PDS5A: variants seen among roughly 807,000 people sequenced by gnomAD.
PDS5A encodes the protein PDS5 cohesin associated factor A.
Under a neutral mutation model 167.1 loss-of-function variants are expected in PDS5A, and 42 were observed. The ratio of observed to expected loss-of-function variants is 0.25; its 90% CI spans 0.20 to 0.33. The LOEUF (loss-of-function observed/expected upper bound fraction) is 0.33. Among genes scored for constraint, PDS5A ranks in the 10% least tolerant of loss-of-function variants. The pLI, the probability that PDS5A is intolerant of heterozygous loss-of-function variation, is 1.00. For missense variants in PDS5A, 1,033 were observed against 1,605.9 expected, an observed-to-expected ratio of 0.64 and a Z score of 6.10; for synonymous variants, 553 against 554.6, an observed-to-expected ratio of 1.00 and a Z score of 0.04.
chr4:39,901,266 C>CTTTTTTTTTTTTTTTTTTTTT (rs772230554), intron 13 of PDS5A, among the ~76,000 whole-genome samples: 1 of 121,282 alleles, frequency 8.2e-6, no homozygotes, highest in Non-Finnish European at 1.7e-5. Flanking sequence ...TCTTTTCTTT[C>CTTTTTTTTTTTTTTTTTTTTT]TTTTTTTTTT....
chr4:39,862,275 G>C lies in PDS5A; in HGVS notation c.3030C>G (p.Ala1010=). The part of the protein sequence containing the change: ...YVVPYMIHLL[A]HDPDFTRSQD... ...GTGATCTTGTAAAATCTGGATCATGGGCTAGCAGGTGAATCATGTATGGAA... is the reference window on the plus strand; with the variant it reads ...GTGATCTTGTAAAATCTGGATCATGCGCTAGCAGGTGAATCATGTATGGAA... The change falls in exon 26 of 33, where the codon GCC becomes GCG. Residue 1010 remains alanine (A), a synonymous_variant. Transcript: ENST00000303538. 3 of 1,541,784 alleles carry C rather than the reference G, an allele frequency of 1.9e-6. No homozygotes were observed. Among genetic ancestry groups the C allele is most frequent in the Non-Finnish European group, 1.8e-6 (2 of 1,137,392 alleles).
chr4:39,829,372 C>T (rs1420406294), intron 32 of PDS5A, among the ~76,000 whole-genome samples: 6 of 152,070 alleles, frequency 3.9e-5, no homozygotes, highest in Non-Finnish European at 5.9e-5. Flanking sequence ...CAGCTGAGGC[C>T]GGGCATGGTG....
chr4:39,825,568 AGTT>A (rs1333049440), intron 32 of PDS5A, 80 bp from the exon 33 acceptor site: 2 of 1,014,522 alleles, frequency 2.0e-6, no homozygotes, highest in Non-Finnish European at 1.4e-6. Context: ...TCATTTCCAT[AGTT>A]GTTATCTAAA....
chr4:39,942,907 C>CA (rs1297839577), intron 2 of PDS5A, among the ~76,000 whole-genome samples: 2 of 152,028 alleles, frequency 1.3e-5, no homozygotes, highest in Non-Finnish European at 2.9e-5. Flanking sequence ...GCCTGGAGTT[C>CA]AAGGCTGCAG....
At chr4:39,906,506 G>C (rs975700773) in intron 11 of PDS5A, among the ~76,000 whole-genome samples, 1 of 151,498 alleles carries the variant, frequency 6.6e-6, no homozygotes, top group Non-Finnish European at 1.5e-5. Context: ...GGGTAGGAAA[G>C]AAAAGTTGTA....
intron 5 of PDS5A, among the ~76,000 whole-genome samples, 169 bp from the exon 6 acceptor site, chr4:39,922,917 T>C (rs912254319): frequency 6.6e-6 from 1 of 152,230 alleles, no homozygotes; most frequent in African/African-American, 2.4e-5. Context: ...CTGCTCTATT[T>C]TCTTTCTCCT....
intron 2 of PDS5A, among the ~76,000 whole-genome samples, chr4:39,969,732 AAAAAT>A (rs1422569358): frequency 6.6e-6 from 1 of 152,006 alleles, no homozygotes. Context: ...TTTCAAAAAT[AAAAAT>A]ATTTCTCTAA....
At chr4:39,883,852 A>G (rs1423122344) in intron 17 of PDS5A, among the ~76,000 whole-genome samples, 1 of 149,586 alleles carries the variant, frequency 6.7e-6, no homozygotes, top group Non-Finnish European at 1.5e-5. Flanking sequence ...CTGGTTTCTA[A>G]CTCCTGGACT....
intron 5 of PDS5A, among the ~76,000 whole-genome samples, chr4:39,924,432 C>G (rs188505548): frequency 2.0e-5 from 3 of 152,318 alleles, no homozygotes; most frequent in Admixed American, 2.0e-4. Context: ...AGTTTCTTCT[C>G]ATGCTATCTT....
chr4:39,841,997 C>G lies in PDS5A; in HGVS notation c.3608G>C (p.Arg1203Thr). The part of the protein sequence containing the change: ...GVSENEENPV[R>T]IISVTPVKNI... Reference sequence around the variant, plus strand: ...CTTTACAGGTGTGACTGAAATAATCCTCACAGGGTTCTCTTCATTTTCACT... The same window carrying G: ...CTTTACAGGTGTGACTGAAATAATCGTCACAGGGTTCTCTTCATTTTCACT... The change falls in exon 31 of 33, where the codon AGG (arginine) becomes ACG (threonine). Residue 1203 changes from arginine to threonine, a missense_variant. Around this residue, in one of 4 missense-constraint regions of PDS5A, gnomAD observed 233 missense variants for 264.0 expected, o/e 0.88. Transcript: ENST00000303538. The G allele has an allele frequency of 6.2e-7, 1 of 1,609,494 alleles. No individual in the cohort carries two copies. The highest frequency in any genetic ancestry group is 8.5e-7 in the Non-Finnish European group (1 of 1,176,004).
chr4:39,918,205 A>G, intron 7 of PDS5A, among the ~76,000 whole-genome samples: 1 of 149,880 alleles, frequency 6.7e-6, no homozygotes, highest in Admixed American at 6.6e-5. Flanking sequence ...AAAAAAACAG[A>G]ATAATTTTTC....
rs1343041200 is a variant in PDS5A at position 39,823,328 on chromosome 4, TG to T, written c.*2156del. On this transcript the variant is annotated 3_prime_UTR_variant, in exon 33 of 33. Coordinates refer to ENST00000303538, the MANE Select transcript of PDS5A (RefSeq NM_001100399.2). ...AGACACTTGCATCATGTTACAAAATTGGGGTGGGCCACTTACATCATACAAG... is the reference window on the plus strand; with the variant it reads ...AGACACTTGCATCATGTTACAAAATTGGGTGGGCCACTTACATCATACAAG... The T allele has an allele frequency of 1.3e-5, 2 of 152,164 alleles. No homozygotes were observed. The highest frequency in any genetic ancestry group is 4.8e-5 in the African/African-American group (2 of 41,446). The allele number at this position is 152,164 out of a possible 1,614,324, so 9.4% of individuals were successfully genotyped here. A position where few individuals can be genotyped will look rare whatever the true frequency, so the allele number is the denominator to read the frequency against.
intron 26 of PDS5A, among the ~76,000 whole-genome samples, chr4:39,855,952 G>C (rs1435450846): frequency 6.6e-6 from 1 of 152,144 alleles, no homozygotes; most frequent in Non-Finnish European, 1.5e-5. Context: ...CAAATTTTAT[G>C]AAAGATGTGA....
intron 10 of PDS5A, among the ~76,000 whole-genome samples, chr4:39,909,045 T>TAAAATAAAATAAAATAAAATAAAAC (rs1723645728): frequency 1.5e-5 from 1 of 66,804 alleles, no homozygotes; most frequent in Non-Finnish European, 2.4e-5. Flanking sequence ...TATCAAAAAA[T>TAAAATAAAATAAAATAAAATAAAAC]AAAATAAAAT....
intron 2 of PDS5A, among the ~76,000 whole-genome samples, chr4:39,943,166 ACACG>A (rs1353090910): frequency 7.0e-5 from 10 of 143,842 alleles, no homozygotes; most frequent in South Asian, 4.4e-4. Flanking sequence ...ACACACACAC[ACACG>A]CACGCACACA....
intron 2 of PDS5A, among the ~76,000 whole-genome samples, chr4:39,969,309 C>T (rs750530578): frequency 3.9e-5 from 6 of 152,116 alleles, no homozygotes; most frequent in Admixed American, 6.6e-5. Flanking sequence ...TCTGAACTAC[C>T]TGTTGACTCC....
At chr4:39,966,348 T>C (rs181096111) in intron 2 of PDS5A, among the ~76,000 whole-genome samples, 1 of 152,324 alleles carries the variant, frequency 6.6e-6, no homozygotes, top group African/African-American at 2.4e-5. Context: ...GAAAGAATTA[T>C]GGCCGTCCTG....
chr4:39,867,500 C>T (rs982509722), intron 22 of PDS5A, among the ~76,000 whole-genome samples: 2 of 150,762 alleles, frequency 1.3e-5, no homozygotes, highest in Non-Finnish European at 2.9e-5. Flanking sequence ...TGAGACCAGC[C>T]TAGCCAACAT....
intron 2 of PDS5A, among the ~76,000 whole-genome samples, chr4:39,964,846 G>A (rs1729826824): frequency 6.6e-6 from 1 of 151,400 alleles, no homozygotes; most frequent in African/African-American, 2.4e-5. Flanking sequence ...GGGAGGCTGA[G>A]GCAGGACAAT....
Sources: allele counts gnomAD v4.1 joint callset (sites outside exome capture counted in the v4.1 genomes callset), GRCh38; gene constraint gnomAD v4.1.1; regional missense constraint gnomAD v4.1.1; transcripts MANE v1.5; gene names NCBI Gene and HGNC (gene_info 2026-07-23, HGNC 2026-07-21).